CEP83: variants seen among roughly 807,000 people sequenced by gnomAD.
CEP83 encodes the protein centrosomal protein 83, also known as centrosomal protein of 83 kDa.
Under a neutral mutation model 101.9 loss-of-function variants are expected in CEP83, and 70 were observed. The ratio of observed to expected loss-of-function variants is 0.69; its 90% CI spans 0.57 to 0.84. CEP83 has a LOEUF of 0.84. CEP83 is among the 40% of genes least tolerant of loss of function. The probability of loss-of-function intolerance (pLI) is 0.00; values close to 1 mark genes in which losing one functional copy is unlikely to be tolerated. For missense variants in CEP83, 715 were observed against 787.2 expected, an observed-to-expected ratio of 0.91 and a Z score of 1.10; for synonymous variants, 264 against 267.9, an observed-to-expected ratio of 0.99 and a Z score of 0.14.
intron 2 of CEP83, among the ~76,000 whole-genome samples, chr12:94,434,834 T>C (rs2138255033): frequency 6.6e-6 from 1 of 152,364 alleles, no homozygotes; most frequent in Admixed American, 6.5e-5. Flanking sequence ...AAACTGCGTG[T>C]TGTATGCCTG....
At chr12:94,312,867 G>T in intron 15 of CEP83, 47 bp downstream of exon 15, 2 of 1,269,728 alleles carry the variant, frequency 1.6e-6, no homozygotes, top group South Asian at 1.4e-5. Context: ...AAAGTTCTAT[G>T]ACATCAAAAT....
chr12:94,439,381 T>C (rs1163942265), intron 1 of CEP83, among the ~76,000 whole-genome samples: 2 of 152,070 alleles, frequency 1.3e-5, no homozygotes, highest in South Asian at 2.1e-4. Flanking sequence ...GATTGTGCTT[T>C]TGTATGGCTA....
rs112287008 is a variant in CEP83, at chr12:94,455,589, A to G, written c.-155+3968T>C. On this transcript the variant is annotated intron_variant, in intron 1 of 16. Transcript: ENST00000397809. ...AACTACATGGACATTTTATAGACAT[A>G]TTTTGAGACAGAAGATAGGTGCTTT... 4.1e-3 allele frequency among the ~76,000 whole-genome samples: 626 copies of G among 152,370 alleles called. 5 individuals carry two copies. The highest frequency in any genetic ancestry group is 0.014 in the African/African-American group (599 of 41,594).
In CEP83 at chr12:94,400,894, A is replaced by G; in HGVS notation, c.505T>C (p.Tyr169His). Residue 169 changes from tyrosine (Y) to histidine (H), a missense_variant, in exon 6 of 17, where the codon TAT becomes CAT. Tyr to His is a moderately conservative substitution (Grantham distance 83). Transcript: ENST00000397809. The part of the protein sequence containing the change: ...KSEFEHQKEE[Y>H]ARILDEGKIK... Reference sequence around the variant, plus strand: ...TTTCCTTCATCTAAAATACGTGCATACTCTTCCTTCTGGTGTTCAAATTCT... The same window carrying G: ...TTTCCTTCATCTAAAATACGTGCATGCTCTTCCTTCTGGTGTTCAAATTCT... 6.6e-7 allele frequency: 1 copy of G among 1,510,060 alleles called. No homozygotes were observed. Among genetic ancestry groups the G allele is most frequent in the Non-Finnish European group, 8.9e-7 (1 of 1,126,726 alleles). 93.5% of individuals were successfully genotyped at this position (1,510,060 alleles called of 1,614,324 possible).
chr12:94,370,931 C>T (rs2137052067), intron 8 of CEP83, among the ~76,000 whole-genome samples: 1 of 151,848 alleles, frequency 6.6e-6, no homozygotes, highest in East Asian at 1.9e-4. Context: ...GGCTGCAGTG[C>T]TATGATTGTG....
the CEP83 span, among the ~76,000 whole-genome samples, chr12:94,266,426 T>C: frequency 6.6e-5 from 10 of 152,314 alleles, no homozygotes; most frequent in South Asian, 2.1e-4. Context: ...GTGGGCTGCA[T>C]TGGTTCTCAA....
chr12:94,441,453 C>T (rs775885867), intron 1 of CEP83, among the ~76,000 whole-genome samples: 12 of 152,142 alleles, frequency 7.9e-5, no homozygotes, highest in Non-Finnish European at 1.6e-4. Context: ...AAATGCAAAT[C>T]AAAACCACAA....
At chr12:94,403,132 T>C (rs745612961) in intron 5 of CEP83, 38 bp downstream of exon 5, 4 of 1,026,152 alleles carry the variant, frequency 3.9e-6, no homozygotes, top group Non-Finnish European at 6.1e-6. Flanking sequence ...TTTGATCCCA[T>C]GAGGATAAAT....
At position 94,312,984 on chromosome 12, in the gene CEP83, G is replaced by T; in HGVS notation, c.1741C>A (p.Leu581Ile). The T allele has an allele frequency of 6.3e-7, 1 of 1,575,192 alleles. No individual in the cohort carries two copies. The highest frequency in any genetic ancestry group is 8.7e-7 in the Non-Finnish European group (1 of 1,152,870). The change falls in exon 15 of 17, where the codon CTA (leucine) becomes ATA (isoleucine). Residue 581 changes from leucine (L) to isoleucine (I), a missense_variant. By Grantham distance (5) the Leu-to-Ile change is conservative (BLOSUM62 2). Coordinates refer to ENST00000397809, the MANE Select transcript of CEP83 (RefSeq NM_016122.3). ...TCCAAGACTTCTACTTTCTCTTGTA[G>T]TCTTTTCAATTTGTTTTCATGAAGA... The part of the protein sequence containing the change: ...KSLHENKLKR[L>I]QEKVEVLEAK...
At chr12:94,351,761 C>T (rs932215815) in intron 11 of CEP83, among the ~76,000 whole-genome samples, 1 of 152,202 alleles carries the variant, frequency 6.6e-6, no homozygotes, top group African/African-American at 2.4e-5. Context: ...CATATGGCAA[C>T]AGCCACCACT....
At position 94,326,968 on chromosome 12, in the gene CEP83, C is replaced by T. The variant is rs142103205; in HGVS notation, c.1707+4732G>A. Among the ~76,000 whole-genome samples the T allele has an allele frequency of 2.5e-3, 381 of 152,296 alleles. 3 individuals are homozygous for T. Among genetic ancestry groups the T allele is most frequent in the African/African-American group, 8.7e-3 (363 of 41,546 alleles). ...CAAGGTTTGTGGTAATTTGTCATAG[C>T]AGCCCTAGGAAACTAATATAGTGCC... is the stretch of plus-strand genomic sequence containing the variant. On this transcript the variant is annotated intron_variant, in intron 14 of 16. Coordinates refer to ENST00000397809, the MANE Select transcript of CEP83 (RefSeq NM_016122.3).
At chr12:94,303,974 T>C, downstream of CEP83, 2 of 1,606,092 alleles carry the variant, frequency 1.2e-6, no homozygotes, top group East Asian at 2.2e-5. Context: ...GTCTTTCTTT[T>C]AGAAACATGA....
chr12:94,418,635 G>C (rs1487509024), intron 2 of CEP83, among the ~76,000 whole-genome samples: 1 of 152,146 alleles, frequency 6.6e-6, no homozygotes, highest in African/African-American at 2.4e-5. Context: ...AAGGTAGGCT[G>C]ATGATTTCCA....
intron 2 of CEP83, among the ~76,000 whole-genome samples, chr12:94,431,660 C>G (rs117052221): frequency 1.3e-5 from 2 of 149,514 alleles, no homozygotes; most frequent in Non-Finnish European, 3.0e-5. Flanking sequence ...AGAATACATA[C>G]AAACGACCAA....
chr12:94,407,741 C>A (rs1280701798), intron 4 of CEP83, among the ~76,000 whole-genome samples: 1 of 152,154 alleles, frequency 6.6e-6, no homozygotes, highest in African/African-American at 2.4e-5. Context: ...ACACATAAAC[C>A]AAGACACCGA....
At chr12:94,277,802 C>T in the CEP83 span, 1 of 372,564 alleles carries the variant, frequency 2.7e-6, no homozygotes, top group South Asian at 2.0e-5. Context: ...AAGCCTTTCC[C>T]AGCAGCCTGG....
chr12:94,274,154 C>CT, the CEP83 span, among the ~76,000 whole-genome samples: 8 of 34,836 alleles, frequency 2.3e-4, no homozygotes, highest in African/African-American at 1.1e-3. Context: ...GACCCTGTCT[C>CT]TAAAAAAAAA....
At chr12:94,411,994 T>G (rs1483684166) in intron 3 of CEP83, 147 bp from the exon 4 acceptor site, 3 of 717,350 alleles carry the variant, frequency 4.2e-6, no homozygotes, top group Non-Finnish European at 6.9e-6. Context: ...TTTACAGAGT[T>G]TCATTTAATT....
the CEP83 span, chr12:94,280,168 T>C: frequency 4.3e-6 from 1 of 230,280 alleles, no homozygotes; most frequent in Non-Finnish European, 8.7e-6. Context: ...TGCAGCAGCA[T>C]CTGCTATGAA....
Sources: gnomAD v4.1 joint callset for allele counts (sites outside exome capture counted in the v4.1 genomes callset) on GRCh38, gnomAD v4.1.1 for gene constraint, MANE v1.5 for transcripts, NCBI Gene and HGNC (gene_info 2026-07-23, HGNC 2026-07-21) for gene names.